SKAP2: variants seen among roughly 807,000 people sequenced by gnomAD.
The protein encoded by SKAP2 is src kinase-associated phosphoprotein 2.
In SKAP2, 28 loss-of-function variants were observed where a neutral mutation model predicts 54.9. The observed-to-expected ratio is 0.51, with a 90% CI of 0.38 to 0.70. The LOEUF is 0.70. Among genes scored for constraint, SKAP2 ranks in the 30% least tolerant of loss-of-function variants. The pLI is 0.00. For synonymous variants in SKAP2, 137 were observed against 134.3 expected (o/e 1.02, Z -0.14); for missense variants, 356 against 424.1 (o/e 0.84, Z 1.41).
At position 26,843,908 on chromosome 7, in the gene SKAP2, G is replaced by C. The variant is rs1190010970; in HGVS notation, c.307+122C>G. ...AGAGAGCTCTTCTGTTCCTTAAAAG[G>C]TTTTGGTAAAGGTAAGTTAACCGAA... On this transcript the variant is annotated intron_variant, in intron 4 of 12. Coordinates refer to ENST00000345317, the MANE Select transcript of SKAP2 (RefSeq NM_003930.5). 3 of 618,504 alleles carry C rather than the reference G, an allele frequency of 4.9e-6. No homozygotes were observed. In the South Asian group the frequency reaches 7.4e-5, roughly 15 times the overall value. The allele number at this position is 618,504 out of a possible 1,614,324, so 38.3% of individuals were successfully genotyped here. A position where few individuals can be genotyped will look rare whatever the true frequency, so the allele number is the denominator to read the frequency against.
chr7:26,717,509 CAAAAAAAAAAAAAAAAAAAAA>C (rs58826714), intron 9 of SKAP2, among the ~76,000 whole-genome samples: 16 of 23,132 alleles, frequency 6.9e-4, no homozygotes, highest in South Asian at 3.4e-3. Context: ...GACCCCATCT[CAAAAAAAAAAAAAAAAAAAAA>C]AAAAAAAAAA....
chr7:26,675,140 G>C (rs185995757), intron 11 of SKAP2, among the ~76,000 whole-genome samples: 1 of 152,168 alleles, frequency 6.6e-6, no homozygotes, highest in East Asian at 1.9e-4. Flanking sequence ...GTTCTTCCCG[G>C]GAACTCTTTT....
intron 4 of SKAP2, among the ~76,000 whole-genome samples, chr7:26,801,155 A>T (rs1431445873): frequency 6.6e-6 from 1 of 152,260 alleles, no homozygotes; most frequent in African/African-American, 2.4e-5. Context: ...CAGATCATTC[A>T]TCATGACCAA....
Position 26,844,013 on chromosome 7 carries a change from G to A in SKAP2, c.307+17C>T, listed in dbSNP as rs1284146307. ...TTTTGTGTGAGTGTCAGAGTTACGT[G>A]GGAAAATGTCACATACCATCAGAGG... On this transcript the variant is annotated intron_variant, in intron 4 of 12. Coordinates refer to ENST00000345317, the MANE Select transcript of SKAP2 (RefSeq NM_003930.5). 10 of 1,462,476 alleles carry A rather than the reference G, an allele frequency of 6.8e-6. 1 individual carries two copies. In the South Asian group the frequency reaches 1.0e-4, roughly 15 times the overall value. The allele number at this position is 1,462,476 out of a possible 1,614,324, so 90.6% of individuals were successfully genotyped here. A position where few individuals can be genotyped will look rare whatever the true frequency, so the allele number is the denominator to read the frequency against.
intron 4 of SKAP2, among the ~76,000 whole-genome samples, chr7:26,805,887 C>A (rs564260): frequency 0.52 from 79,465 of 152,010 alleles, 21,407 homozygotes; most frequent in East Asian, 0.86. Flanking sequence ...TACAAGTTGA[C>A]GGTCTGTGGC....
chr7:26,656,382 C>G, the SKAP2 span, among the ~76,000 whole-genome samples: 3 of 152,160 alleles, frequency 2.0e-5, no homozygotes, highest in East Asian at 5.8e-4. Context: ...TTTTAATTCA[C>G]TTCCACTCTT....
chr7:26,744,706 C>T (rs1459914576), intron 4 of SKAP2, among the ~76,000 whole-genome samples: 1 of 151,814 alleles, frequency 6.6e-6, no homozygotes, highest in Non-Finnish European at 1.5e-5. Flanking sequence ...TGATGTGTCT[C>T]CTAATAGACT....
chr7:26,722,429 T>C, intron 9 of SKAP2, among the ~76,000 whole-genome samples: 1 of 145,614 alleles, frequency 6.9e-6, no homozygotes, highest in Non-Finnish European at 1.5e-5. Context: ...TCTCACTCTG[T>C]TGCCCAGGCT....
chr7:26,764,843 G>A (rs1281361243), intron 4 of SKAP2, among the ~76,000 whole-genome samples: 1 of 152,130 alleles, frequency 6.6e-6, no homozygotes, highest in Non-Finnish European at 1.5e-5. Context: ...GAGCCACGGC[G>A]CCTGGCTGTG....
chr7:26,807,388 G>C (rs2127986724), intron 4 of SKAP2, among the ~76,000 whole-genome samples: 1 of 152,268 alleles, frequency 6.6e-6, no homozygotes, highest in Non-Finnish European at 1.5e-5. Flanking sequence ...TAGTGAGTGA[G>C]TTCCCACAAG....
At chr7:26,812,047 T>A (rs1030334466) in intron 4 of SKAP2, among the ~76,000 whole-genome samples, 1 of 152,192 alleles carries the variant, frequency 6.6e-6, no homozygotes, top group Non-Finnish European at 1.5e-5. Context: ...ATTTTCTATT[T>A]CCTCCTAGGG....
chr7:26,834,493 T>TA (rs1203692550), intron 4 of SKAP2, among the ~76,000 whole-genome samples: 1 of 152,024 alleles, frequency 6.6e-6, no homozygotes, highest in African/African-American at 2.4e-5. Flanking sequence ...ATAGACTCAA[T>TA]AAAAAATGAT....
At chr7:26,845,242 T>C (rs1253984910) in intron 3 of SKAP2, among the ~76,000 whole-genome samples, 1 of 152,142 alleles carries the variant, frequency 6.6e-6, no homozygotes, top group Non-Finnish European at 1.5e-5. Flanking sequence ...TCCAAAAGGG[T>C]ATCTTTGTCC....
chr7:26,662,893 A>G (rs985861570), downstream of SKAP2, among the ~76,000 whole-genome samples: 3 of 152,102 alleles, frequency 2.0e-5, no homozygotes, highest in Non-Finnish European at 2.9e-5. Flanking sequence ...CATGCCTCAT[A>G]TGACTCCAGC....
the SKAP2 span, among the ~76,000 whole-genome samples, chr7:26,660,039 A>AT: frequency 1.3e-5 from 2 of 152,056 alleles, no homozygotes; most frequent in African/African-American, 2.4e-5. Flanking sequence ...TCTTCTCAAC[A>AT]TTTTTTTAAG....
At chr7:26,797,974 T>C (rs529792543) in intron 4 of SKAP2, among the ~76,000 whole-genome samples, 1 of 151,350 alleles carries the variant, frequency 6.6e-6, no homozygotes, top group South Asian at 2.1e-4. Context: ...TTAGTGAGCT[T>C]GAAGACAGGC....
intron 7 of SKAP2, among the ~76,000 whole-genome samples, chr7:26,726,479 A>T (rs1292510030): frequency 1.3e-5 from 2 of 152,002 alleles, no homozygotes; most frequent in Non-Finnish European, 2.9e-5. Context: ...GTGTACTTTT[A>T]CCTTCATTTT....
chr7:26,702,730 A>C (rs1787065799), intron 9 of SKAP2, among the ~76,000 whole-genome samples: 1 of 152,194 alleles, frequency 6.6e-6, no homozygotes, highest in Non-Finnish European at 1.5e-5. Flanking sequence ...CCTCAATCCA[A>C]GGAATGAAAG....
At chr7:26,763,377 A>T (rs1782976063) in intron 4 of SKAP2, among the ~76,000 whole-genome samples, 1 of 152,136 alleles carries the variant, frequency 6.6e-6, no homozygotes, top group Non-Finnish European at 1.5e-5. Flanking sequence ...AAGGCAAAAA[A>T]AATTTATGAA....
Sources: allele counts gnomAD v4.1 joint callset (sites outside exome capture counted in the v4.1 genomes callset), GRCh38; gene constraint gnomAD v4.1.1; transcripts MANE v1.5; gene names NCBI Gene and HGNC (gene_info 2026-07-23, HGNC 2026-07-21).